CHCHD6: variants seen among roughly 807,000 people sequenced by gnomAD.
The protein encoded by CHCHD6 is coiled-coil-helix-coiled-coil-helix domain containing 6.
A neutral mutation model predicts 32.3 loss-of-function variants in CHCHD6; 28 were observed. The ratio of observed to expected loss-of-function variants is 0.87; its 90% CI spans 0.64 to 1.19. The LOEUF (loss-of-function observed/expected upper bound fraction) is 1.19. Ranked by LOEUF, CHCHD6 falls within the 50% of genes most tolerant of loss-of-function variation. CHCHD6 has a pLI of 0.00. For missense variants in CHCHD6, 333 were observed against 307.0 expected, an observed-to-expected ratio of 1.08 and a Z score of -0.63; for synonymous variants, 122 against 117.5, an observed-to-expected ratio of 1.04 and a Z score of -0.25.
intron 4 of CHCHD6, among the ~76,000 whole-genome samples, chr3:126,747,084 A>G (rs928623515): frequency 1.3e-5 from 2 of 151,860 alleles, no homozygotes; most frequent in African/African-American, 2.4e-5. Flanking sequence ...GGCTTTTGGG[A>G]CTACTGGTTG....
At chr3:126,883,905 G>A (rs1279592090) in intron 5 of CHCHD6, among the ~76,000 whole-genome samples, 1 of 152,164 alleles carries the variant, frequency 6.6e-6, no homozygotes, top group Non-Finnish European at 1.5e-5. Flanking sequence ...CTCAGTTCTT[G>A]TGACATTTCC....
intron 1 of CHCHD6, among the ~76,000 whole-genome samples, chr3:126,723,743 C>T (rs557207470): frequency 1.4e-4 from 21 of 152,224 alleles, no homozygotes; most frequent in Middle Eastern, 6.8e-3. Context: ...CTATTTCCTC[C>T]GGTGTCACAG....
rs146383792 is a variant in CHCHD6, at chr3:126,871,321, G to A, written c.495+18591G>A. On this transcript the variant is annotated intron_variant, in intron 5 of 7. Coordinates refer to ENST00000290913, the MANE Select transcript of CHCHD6 (RefSeq NM_032343.3). ...AAAGGATCAGCGTGTCTGCACCTCA[G>A]CTCTCCTGACCCCATTCTTATAGGC... 4.5e-4 allele frequency among the ~76,000 whole-genome samples: 69 copies of A among 152,234 alleles called. No individual in the cohort carries two copies. In the East Asian group the frequency reaches 0.01, roughly 23 times the overall value.
chr3:126,927,894 T>C (rs903337829), intron 6 of CHCHD6, among the ~76,000 whole-genome samples: 1 of 152,234 alleles, frequency 6.6e-6, no homozygotes, highest in African/African-American at 2.4e-5. Context: ...CAGTTATGTC[T>C]AGTTATTTGC....
chr3:126,764,633 C>T (rs1017831927), intron 4 of CHCHD6, among the ~76,000 whole-genome samples: 2 of 152,198 alleles, frequency 1.3e-5, no homozygotes, highest in African/African-American at 4.8e-5. Context: ...CCCAGGGCGG[C>T]TCCTGCAAAG....
intron 4 of CHCHD6, among the ~76,000 whole-genome samples, chr3:126,771,177 C>T (rs1277730124): frequency 1.3e-5 from 2 of 151,074 alleles, no homozygotes; most frequent in African/African-American, 2.4e-5. Context: ...GGTAATGTAC[C>T]CTTTATTATT....
At chr3:126,895,607 G>C (rs1424163896) in intron 5 of CHCHD6, among the ~76,000 whole-genome samples, 1 of 152,206 alleles carries the variant, frequency 6.6e-6, no homozygotes, top group African/African-American at 2.4e-5. Context: ...ATTATTTGGA[G>C]AGCAAGTGTT....
chr3:126,882,265 T>C (rs1308801938), intron 5 of CHCHD6, among the ~76,000 whole-genome samples: 1 of 152,180 alleles, frequency 6.6e-6, no homozygotes, highest in African/African-American at 2.4e-5. Flanking sequence ...TGGACCTCCC[T>C]CTCCGCCTTG....
chr3:126,742,030 G>A (rs1304575126), intron 4 of CHCHD6, among the ~76,000 whole-genome samples: 1 of 152,204 alleles, frequency 6.6e-6, no homozygotes, highest in Non-Finnish European at 1.5e-5. Context: ...GCCAGGGTCT[G>A]CTAGAGAAGA....
intron 5 of CHCHD6, among the ~76,000 whole-genome samples, chr3:126,856,048 TC>T (rs1941656103): frequency 1.3e-5 from 2 of 152,322 alleles, no homozygotes; most frequent in African/African-American, 4.8e-5. Flanking sequence ...TCTCTTGGCT[TC>T]CTTAGGCCAC....
intron 6 of CHCHD6, among the ~76,000 whole-genome samples, chr3:126,937,818 G>A (rs2078503309): frequency 6.6e-6 from 1 of 152,132 alleles, no homozygotes; most frequent in Non-Finnish European, 1.5e-5. Flanking sequence ...AGCTTGAGAG[G>A]GCTGGAGGGT....
intron 6 of CHCHD6, chr3:126,949,327 G>C (rs73193105): frequency 4.7e-6 from 1 of 214,974 alleles, no homozygotes; most frequent in Non-Finnish European, 9.4e-6. Flanking sequence ...GTCATGGACA[G>C]CTACACAGGC....
chr3:126,754,224 C>T (rs1328630960), intron 4 of CHCHD6, among the ~76,000 whole-genome samples: 1 of 152,182 alleles, frequency 6.6e-6, no homozygotes, highest in African/African-American at 2.4e-5. Flanking sequence ...GGTTAAGTGT[C>T]TCTGGGCATC....
intron 4 of CHCHD6, among the ~76,000 whole-genome samples, chr3:126,755,677 A>T (rs1000286948): frequency 1.3e-5 from 2 of 152,228 alleles, no homozygotes; most frequent in Non-Finnish European, 2.9e-5. Context: ...CTAAAAAAAG[A>T]TACCAGTAGC....
chr3:126,780,982 C>T (rs1199967308), intron 4 of CHCHD6, among the ~76,000 whole-genome samples: 14 of 152,196 alleles, frequency 9.2e-5, no homozygotes, highest in African/African-American at 2.4e-5. Flanking sequence ...AAAGACACTT[C>T]TCCAGCCACT....
At position 126,767,101 on chromosome 3, in the gene CHCHD6, C is replaced by T. The variant is rs1019698213; in HGVS notation, c.411+33879C>T. On this transcript the variant is annotated intron_variant, in intron 4 of 7. Coordinates refer to ENST00000290913, the MANE Select transcript of CHCHD6 (RefSeq NM_032343.3). ...CTGTCCGCCGTGCCCGGGCGATGAA[C>T]TTCCCATCCGAGTTGTGTCCCAGCT... 70 of 1,380,404 alleles carry T rather than the reference C, an allele frequency of 5.1e-5. No individual in the cohort carries two copies. The African/African-American group carries it at 9.5e-4, about 19-fold the overall frequency. The allele number at this position is 1,380,404 out of a possible 1,614,324, so 85.5% of individuals were successfully genotyped here. A position where few individuals can be genotyped will look rare whatever the true frequency, so the allele number is the denominator to read the frequency against.
intron 4 of CHCHD6, among the ~76,000 whole-genome samples, chr3:126,739,330 T>C (rs1322458858): frequency 6.6e-6 from 1 of 150,688 alleles, no homozygotes; most frequent in Non-Finnish European, 1.5e-5. Flanking sequence ...ACATGTGGTC[T>C]TTGCCACATA....
chr3:126,927,024 G>T (rs2078333972), intron 6 of CHCHD6, among the ~76,000 whole-genome samples: 1 of 152,146 alleles, frequency 6.6e-6, no homozygotes, highest in Non-Finnish European at 1.5e-5. Flanking sequence ...GAACAGTCGG[G>T]TAATGTGAGA....
chr3:126,818,693 TG>T (rs1177450542), intron 4 of CHCHD6, among the ~76,000 whole-genome samples: 1 of 152,196 alleles, frequency 6.6e-6, no homozygotes, highest in Non-Finnish European at 1.5e-5. Flanking sequence ...TGAAAGGCAG[TG>T]GGCCTCATTA....
Sources: gnomAD v4.1 joint callset for allele counts (sites outside exome capture counted in the v4.1 genomes callset) on GRCh38, gnomAD v4.1.1 for gene constraint, MANE v1.5 for transcripts, NCBI Gene and HGNC (gene_info 2026-07-23, HGNC 2026-07-21) for gene names.